Variants in PDE8B observed in about 807,000 individuals in gnomAD.
PDE8B encodes the protein high affinity cAMP-specific and IBMX-insensitive 3',5'-cyclic phosphodiesterase 8B.
Under a neutral mutation model 101.3 loss-of-function variants are expected in PDE8B, and 26 were observed. That is an observed-to-expected ratio of 0.26 (90% CI 0.19 to 0.36). PDE8B has a LOEUF of 0.36. Ranked by LOEUF, PDE8B falls within the 10% of genes least tolerant of loss-of-function variation. The pLI, the probability that PDE8B is intolerant of heterozygous loss-of-function variation, is 1.00. For missense variants in PDE8B, 810 were observed against 1,163.1 expected (o/e 0.70, Z 4.42); for synonymous variants, 424 against 429.3 (o/e 0.99, Z 0.15).
chr5:77,326,425 G>A (rs16874184), intron 3 of PDE8B, among the ~76,000 whole-genome samples: 10,560 of 152,208 alleles, frequency 0.069, 573 homozygotes, highest in East Asian at 0.15. Context: ...ATGGGGAGCT[G>A]GAATTTTCTT....
intron 1 of PDE8B, among the ~76,000 whole-genome samples, chr5:77,288,938 C>T (rs540109787): frequency 1.3e-5 from 2 of 149,762 alleles, no homozygotes; most frequent in African/African-American, 4.9e-5. Context: ...GAAGATTCTT[C>T]TCATTTGTAG....
At chr5:77,397,162 G>A (rs1415479744) in intron 10 of PDE8B, among the ~76,000 whole-genome samples, 1 of 150,098 alleles carries the variant, frequency 6.7e-6, no homozygotes, top group African/African-American at 2.5e-5. Context: ...CCCGAGTAGC[G>A]GGGACTACAG....
chr5:77,240,907 A>G (rs1166641168), intron 1 of PDE8B, among the ~76,000 whole-genome samples: 1 of 152,272 alleles, frequency 6.6e-6, no homozygotes, highest in African/African-American at 2.4e-5. Flanking sequence ...CGTAGTTGCA[A>G]CTAAGCAGCG....
At chr5:77,215,623 C>T (rs1261033733) in intron 1 of PDE8B, among the ~76,000 whole-genome samples, 1 of 152,202 alleles carries the variant, frequency 6.6e-6, no homozygotes, top group Non-Finnish European at 1.5e-5. Context: ...ATAGTTTCTA[C>T]TGAAATCCTG....
At chr5:77,105,303 T>C in the PDE8B span, 1 of 152,242 alleles carries the variant, frequency 6.6e-6, no homozygotes, top group Non-Finnish European at 1.5e-5. Flanking sequence ...GTAGAATTCA[T>C]ACTTCAAGTA....
chr5:77,095,859 A>T, the PDE8B span, among the ~76,000 whole-genome samples: 1 of 152,104 alleles, frequency 6.6e-6, no homozygotes, highest in African/African-American at 2.4e-5. Flanking sequence ...TATTGCTCTG[A>T]TATGGACTCT....
chr5:77,103,321 G>A, the PDE8B span, among the ~76,000 whole-genome samples: 1 of 152,154 alleles, frequency 6.6e-6, no homozygotes, highest in African/African-American at 2.4e-5. Flanking sequence ...CCTCCCAGAA[G>A]CTATTTTTAC....
chr5:77,290,671 T>C (rs113677146), intron 1 of PDE8B: 1 of 1,506,684 alleles, frequency 6.6e-7, no homozygotes, highest in Non-Finnish European at 9.2e-7. Flanking sequence ...TTATCAAGGA[T>C]GATTGGAGGA....
At chr5:77,359,647 G>C (rs977263932) in intron 10 of PDE8B, among the ~76,000 whole-genome samples, 2 of 152,150 alleles carry the variant, frequency 1.3e-5, no homozygotes, top group African/African-American at 4.8e-5. Context: ...CTATAGGTCT[G>C]AGCTGGAAAT....
the PDE8B span, chr5:77,092,668 C>T: frequency 6.6e-6 from 1 of 152,202 alleles, no homozygotes; most frequent in Non-Finnish European, 1.5e-5. Flanking sequence ...CCTGTAATCC[C>T]AGCACTTTGG....
rs1185947867 is a variant in PDE8B at position 77,421,911 on chromosome 5, G to C, written c.2341G>C (p.Asp781His). ...LIKRMMIKCA[D>H]VANPCRPLDL... ...CAAACGCATGATGATTAAGTGTGCT[G>C]ACGTGGCCAACCCATGCCGCCCCTT... is the stretch of plus-strand genomic sequence containing the variant. The change falls in exon 20 of 22, where the codon GAC (aspartate) becomes CAC (histidine). Residue 781 changes from aspartate (D) to histidine (H), a missense_variant. Transcript: ENST00000264917. The C allele has an allele frequency of 6.2e-7, 1 of 1,614,034 alleles. No individual in the cohort carries two copies. Among genetic ancestry groups the C allele is most frequent in the Non-Finnish European group, 8.5e-7 (1 of 1,180,014 alleles).
chr5:77,413,280 G>C lies in PDE8B; in HGVS notation c.1882G>C (p.Ala628Pro). 1 of 1,613,862 alleles carries C rather than the reference G, an allele frequency of 6.2e-7. No homozygotes were observed. The highest frequency in any genetic ancestry group is 8.5e-7 in the Non-Finnish European group (1 of 1,179,886). The change falls in exon 17 of 22, where the codon GCT (alanine) becomes CCT (proline). Residue 628 changes from alanine to proline, a missense_variant. This residue lies in a region of PDE8B where 325 missense variants were observed against 560.9 expected (regional missense o/e 0.58). Transcript: ENST00000264917. ...TGCTGCCGACGTCCTGCACGCCACCGCTTTCTTTCTTGGAAAGGAAAGAGT... is the reference window on the plus strand; with the variant it reads ...TGCTGCCGACGTCCTGCACGCCACCCCTTTCTTTCTTGGAAAGGAAAGAGT... ...THAADVLHATAFFLGKERVKG... is the reference protein window; with the variant it reads ...THAADVLHATPFFLGKERVKG...
intron 1 of PDE8B, among the ~76,000 whole-genome samples, chr5:77,273,811 T>C (rs749255884): frequency 6.6e-6 from 1 of 151,840 alleles, no homozygotes; most frequent in Non-Finnish European, 1.5e-5. Context: ...GTTTTTTTTT[T>C]ATTTATTTTT....
chr5:77,250,136 CA>C (rs576112709), intron 1 of PDE8B, among the ~76,000 whole-genome samples: 22 of 152,218 alleles, frequency 1.4e-4, no homozygotes, highest in Non-Finnish European at 2.5e-4. Flanking sequence ...ACATTTATTG[CA>C]TGCTTACTCC....
intron 1 of PDE8B, among the ~76,000 whole-genome samples, chr5:77,259,562 A>G (rs939923814): frequency 6.6e-6 from 1 of 152,182 alleles, no homozygotes; most frequent in Non-Finnish European, 1.5e-5. Context: ...CCCTTGGGTA[A>G]GTTCCCTTGC....
the PDE8B span, chr5:77,086,728 T>C: frequency 2.6e-5 from 4 of 152,314 alleles, no homozygotes; most frequent in Non-Finnish European, 5.9e-5. Context: ...ATCAAGCAAG[T>C]CCCAGTTACA....
At chr5:77,369,224 AAG>A (rs1554090824) in intron 10 of PDE8B, among the ~76,000 whole-genome samples, 2 of 151,180 alleles carry the variant, frequency 1.3e-5, no homozygotes, top group Admixed American at 6.6e-5. Flanking sequence ...AAAAAAAAAA[AAG>A]AAGAGATAGA....
intron 5 of PDE8B, among the ~76,000 whole-genome samples, chr5:77,334,704 A>G (rs960540319): frequency 6.6e-6 from 1 of 152,226 alleles, no homozygotes; most frequent in East Asian, 1.9e-4. Flanking sequence ...GGCTCAAAAC[A>G]ACTAAACTTG....
chr5:77,295,330 G>A (rs529763618), intron 1 of PDE8B, among the ~76,000 whole-genome samples: 2 of 152,284 alleles, frequency 1.3e-5, no homozygotes, highest in East Asian at 3.9e-4. Flanking sequence ...CAATTACTGT[G>A]ACTGGAGAAA....
Sources: gnomAD v4.1 joint callset for allele counts (sites outside exome capture counted in the v4.1 genomes callset) on GRCh38, gnomAD v4.1.1 for gene constraint, gnomAD v4.1.1 regional missense constraint, MANE v1.5 for transcripts, NCBI Gene and HGNC (gene_info 2026-07-23, HGNC 2026-07-21) for gene names.